The following ANK1 variants were observed in gnomAD, a reference collection of about 807,000 sequenced individuals.
ANK1 encodes the protein ankyrin 1, also known as ankyrin-1.
ANK1 carries 51 observed loss-of-function variants against 210.4 expected under a neutral mutation model. The ratio of observed to expected loss-of-function variants is 0.24; its 90% CI spans 0.19 to 0.31. The LOEUF is 0.31. Among genes scored for constraint, ANK1 ranks in the 10% least tolerant of loss-of-function variants. ANK1 has a pLI of 1.00. For missense variants in ANK1, 2,051 were observed against 2,504.4 expected (o/e 0.82, Z 3.86); for synonymous variants, 967 against 1,025.9 (o/e 0.94, Z 1.10).
intron 1 of ANK1, among the ~76,000 whole-genome samples, chr8:41,809,178 T>G (rs1207382874): frequency 6.6e-6 from 1 of 152,216 alleles, no homozygotes. Flanking sequence ...GGGTCTTTTT[T>G]GTACATGTTA....
chr8:41,881,246 C>A (rs969362463), intron 1 of ANK1, among the ~76,000 whole-genome samples: 1 of 152,308 alleles, frequency 6.6e-6, no homozygotes, highest in East Asian at 1.9e-4. Flanking sequence ...TGTGAGAAAA[C>A]AGAGGCCCAG....
At chr8:41,665,457 G>C (rs1810176007) in intron 39 of ANK1, 3 of 387,404 alleles carry the variant, frequency 7.7e-6, no homozygotes, top group East Asian at 7.3e-5. Context: ...ACCTGGAAGT[G>C]GGGGCTCGGC....
At chr8:41,673,435 G>A (rs1238219646) in intron 37 of ANK1, among the ~76,000 whole-genome samples, 1 of 152,074 alleles carries the variant, frequency 6.6e-6, no homozygotes, top group African/African-American at 2.4e-5. Flanking sequence ...GCCCTTGAGG[G>A]GCCTATCAGG....
Position 41,865,447 on chromosome 8 carries a change from A to AGGAAGGAATGGCTTCCTCACAC in ANK1, c.126+30886_126+30907dup, listed in dbSNP as rs550754632. 5.7e-4 allele frequency among the ~76,000 whole-genome samples: 87 copies of AGGAAGGAATGGCTTCCTCACAC among 152,124 alleles called. 1 individual carries two copies. Among genetic ancestry groups the AGGAAGGAATGGCTTCCTCACAC allele is most frequent in the African/African-American group, 2.1e-3 (86 of 41,498 alleles). ...GGGCTCAGTAGATACTGTGTGGGTG[A>AGGAAGGAATGGCTTCCTCACAC]GGAAGGAATGGCTTCCTCACACCCA... is the stretch of plus-strand genomic sequence containing the variant. On this transcript the variant is annotated intron_variant, in intron 1 of 42. Transcript: ENST00000265709.
At chr8:41,889,369 T>C (rs1819007288) in intron 1 of ANK1, among the ~76,000 whole-genome samples, 1 of 152,348 alleles carries the variant, frequency 6.6e-6, no homozygotes, top group African/African-American at 2.4e-5. Context: ...GAGACCCTCA[T>C]AAGTGCAGGC....
intron 2 of ANK1, among the ~76,000 whole-genome samples, chr8:41,743,540 T>C (rs905539165): frequency 1.3e-5 from 2 of 152,128 alleles, no homozygotes. Flanking sequence ...GATGTCGGCC[T>C]TAGAGGGCAG....
chr8:41,672,942 C>G, intron 37 of ANK1, 30 bp from the exon 38 acceptor site: 1 of 1,574,604 alleles, frequency 6.4e-7, no homozygotes, highest in Non-Finnish European at 8.6e-7. Flanking sequence ...GCAACATGCT[C>G]CAGCAGTGAT....
chr8:41,828,434 A>C (rs919885605), intron 1 of ANK1: 2 of 154,254 alleles, frequency 1.3e-5, no homozygotes, highest in African/African-American at 4.8e-5. Context: ...AGGCCGAGGT[A>C]CGTGATGGCG....
chr8:41,850,689 C>T (rs1484202383), intron 1 of ANK1, among the ~76,000 whole-genome samples: 3 of 152,204 alleles, frequency 2.0e-5, no homozygotes, highest in Non-Finnish European at 4.4e-5. Context: ...ACTATGTTGC[C>T]CAGGCTGGTC....
chr8:41,683,003 G>A (rs560577092), intron 37 of ANK1, among the ~76,000 whole-genome samples: 5 of 152,250 alleles, frequency 3.3e-5, no homozygotes, highest in African/African-American at 9.6e-5. Context: ...CCGGGCACAC[G>A]CAGCAGGCAG....
chr8:41,838,679 C>T (rs977419340), intron 1 of ANK1, among the ~76,000 whole-genome samples: 9 of 151,700 alleles, frequency 5.9e-5, no homozygotes, highest in South Asian at 2.1e-4. Flanking sequence ...GCAGGAGAAT[C>T]GCTTGAACCC....
At chr8:41,840,719 C>A (rs945149553) in intron 1 of ANK1, among the ~76,000 whole-genome samples, 3 of 152,202 alleles carry the variant, frequency 2.0e-5, no homozygotes, top group Non-Finnish European at 4.4e-5. Context: ...CTCCAAAGAC[C>A]GCCACACTGG....
At chr8:41,735,959 A>AG (rs11387649) in intron 2 of ANK1, among the ~76,000 whole-genome samples, 152,253 of 152,254 alleles carry the variant, frequency 1, 76,126 homozygotes, top group Middle Eastern at 1. Flanking sequence ...GTGTGTGTGT[A>AG]GGGAGAGGGG....
rs182326629 is a variant in ANK1, at chr8:41,683,779, T to C, written c.4537+765A>G. Among the ~76,000 whole-genome samples the C allele has an allele frequency of 2.6e-4, 39 of 152,292 alleles. No homozygotes were observed. The East Asian group carries it at 7.2e-3, about 28-fold the overall frequency. On this transcript the variant is annotated intron_variant, in intron 37 of 42. Coordinates refer to ENST00000289734, the MANE Select transcript of ANK1 (RefSeq NM_000037.4). ...GGAGAGTGGGGCCTCGCTGTTTATG[T>C]GCCCGCTGGCCAGAGAGGGGGCGGG...
intron 1 of ANK1, among the ~76,000 whole-genome samples, chr8:41,844,827 G>T (rs1005896498): frequency 2.0e-5 from 3 of 152,176 alleles, no homozygotes; most frequent in African/African-American, 7.2e-5. Flanking sequence ...TTGGTCCAAG[G>T]AAGTTAGAAG....
intron 17 of ANK1, among the ~76,000 whole-genome samples, chr8:41,707,114 A>G (rs1004623665): frequency 6.6e-6 from 1 of 152,130 alleles, no homozygotes; most frequent in African/African-American, 2.4e-5. Flanking sequence ...AAATAAATAA[A>G]TAATGTACCA....
chr8:41,705,127 G>C (rs1351694083), intron 18 of ANK1, among the ~76,000 whole-genome samples: 3 of 152,348 alleles, frequency 2.0e-5, no homozygotes, highest in African/African-American at 7.2e-5. Context: ...CAAGGAGTCT[G>C]TCCTGCTGAA....
chr8:41,800,840 G>A (rs1266154371), upstream of ANK1, among the ~76,000 whole-genome samples: 2 of 151,900 alleles, frequency 1.3e-5, no homozygotes, highest in African/African-American at 2.4e-5. Flanking sequence ...TCATCCTCCC[G>A]AGTAGCTGGG....
chr8:41,695,091 G>A, intron 27 of ANK1, 86 bp downstream of exon 27: 1 of 1,564,080 alleles, frequency 6.4e-7, no homozygotes, highest in Non-Finnish European at 8.8e-7. Context: ...CAAACTTCAG[G>A]TGGCCCTCAA....
Sources: gnomAD v4.1 joint callset for allele counts (sites outside exome capture counted in the v4.1 genomes callset) on GRCh38, gnomAD v4.1.1 for gene constraint, MANE v1.5 for transcripts, NCBI Gene and HGNC (gene_info 2026-07-23, HGNC 2026-07-21) for gene names.